Variants in SLC6A3 observed in about 807,000 individuals in gnomAD.
SLC6A3 encodes solute carrier family 6 member 3.
A neutral mutation model predicts 70.4 loss-of-function variants in SLC6A3; 19 were observed. The ratio of observed to expected loss-of-function variants is 0.27; its 90% confidence interval spans 0.19 to 0.40. SLC6A3 has a LOEUF of 0.40. SLC6A3 is among the 10% of genes least tolerant of loss of function. The pLI is 1.00. For missense variants in SLC6A3, 613 were observed against 838.5 expected, an observed-to-expected ratio of 0.73 and a Z score of 3.32; for synonymous variants, 368 against 356.6, an observed-to-expected ratio of 1.03 and a Z score of -0.36.
At chr5:1,416,619 A>T in intron 6 of SLC6A3, 1 of 336,806 alleles carries the variant, frequency 3.0e-6, no homozygotes, top group South Asian at 2.5e-5. Context: ...CCCTTAGAAC[A>T]GCACGGACTC....
chr5:1,403,374 T>C (rs1579701242), intron 12 of SLC6A3, among the ~76,000 whole-genome samples: 1 of 78,496 alleles, frequency 1.3e-5, no homozygotes, highest in East Asian at 5.0e-4. Context: ...CATCCTGTTC[T>C]GTCCCCTCCC....
intron 4 of SLC6A3, among the ~76,000 whole-genome samples, chr5:1,431,928 G>A (rs1168453236): frequency 2.6e-5 from 4 of 152,218 alleles, no homozygotes; most frequent in African/African-American, 4.8e-5. Flanking sequence ...AAAAGCGGAC[G>A]GCTGGGTCAC....
intron 6 of SLC6A3, among the ~76,000 whole-genome samples, chr5:1,416,908 C>G (rs1756310538): frequency 6.6e-6 from 1 of 152,154 alleles, no homozygotes; most frequent in Admixed American, 6.5e-5. Context: ...CAGATTCATC[C>G]ACATGCTGCA....
rs1310047234 is a variant in SLC6A3, at chr5:1,400,963, G to A, written c.1791C>T (p.Pro597=). The A allele has an allele frequency of 1.3e-6, 2 of 1,597,120 alleles. No individual in the cohort carries two copies. Among genetic ancestry groups the A allele is most frequent in the South Asian group, 1.1e-5 (1 of 88,656 alleles). The change falls in exon 14 of 15, where the codon CCC becomes CCT. Residue 597 remains proline, a synonymous_variant. Transcript: ENST00000270349. ...FREKLAYAIA[P]EKDRELVDRG... is the part of the protein sequence containing the mutation. Reference sequence around the variant, plus strand: ...TGTCCACCAGCTCACGGTCCTTCTCGGGTGCAATGGCGTAGGCCAGTTTCT... The same window carrying A: ...TGTCCACCAGCTCACGGTCCTTCTCAGGTGCAATGGCGTAGGCCAGTTTCT...
Position 1,408,926 on chromosome 5 carries a change from G to A in SLC6A3, c.1498+100C>T. 1.2e-6 allele frequency: 1 copy of A among 814,958 alleles called. No individual in the cohort carries two copies. Among genetic ancestry groups the A allele is most frequent in the Non-Finnish European group, 2.1e-6 (1 of 477,578 alleles). 50.5% of individuals were successfully genotyped at this position (814,958 alleles called of 1,614,324 possible). On this transcript the variant is annotated intron_variant, in intron 11 of 14. Coordinates refer to ENST00000270349, the MANE Select transcript of SLC6A3 (RefSeq NM_001044.5). This position sits in a 1 kb window ranked among gnomAD's most constrained non-coding sequence, Gnocchi z 6.4. ...GTGATGACCACAACCCAGGCTTCCTGCAGCTGAAAGGTGTTTCCTCACGGA... is the reference window on the plus strand; with the variant it reads ...GTGATGACCACAACCCAGGCTTCCTACAGCTGAAAGGTGTTTCCTCACGGA...
chr5:1,422,025 G>A lies in SLC6A3; in HGVS notation c.654-11C>T, dbSNP rs1756448782. On this transcript the variant is annotated splice_polypyrimidine_tract_variant and intron_variant, in intron 4 of 14. Transcript: ENST00000270349. Reference sequence around the variant, plus strand: ...TGCAGCACGCCACGTCTGCAGAGGGGAGTCAGCGGGGGACTCTGTGGGTGG... The same window carrying A: ...TGCAGCACGCCACGTCTGCAGAGGGAAGTCAGCGGGGGACTCTGTGGGTGG... The A allele has an allele frequency of 1.9e-6, 3 of 1,609,392 alleles. No homozygotes were observed. Among genetic ancestry groups the A allele is most frequent in the Non-Finnish European group, 8.5e-7 (1 of 1,179,606 alleles).
At chr5:1,410,035 C>T (rs139756242) in intron 9 of SLC6A3, among the ~76,000 whole-genome samples, 186 bp from the exon 10 acceptor site, 25 of 152,336 alleles carry the variant, frequency 1.6e-4, no homozygotes, top group African/African-American at 5.8e-4. Flanking sequence ...TCTATGGCGG[C>T]ACGACCGCAG....
In SLC6A3 at chr5:1,396,942, G is replaced by C. The variant is rs1755736025; in HGVS notation, c.1840-2184C>G. Among the ~76,000 whole-genome samples the C allele has an allele frequency of 6.6e-6, 1 of 152,186 alleles. No homozygotes were observed. Among genetic ancestry groups the C allele is most frequent in the African/African-American group, 2.4e-5 (1 of 41,444 alleles). On this transcript the variant is annotated intron_variant, in intron 14 of 14. Transcript: ENST00000270349. This position sits in a 1 kb window ranked among gnomAD's most constrained non-coding sequence, Gnocchi z 7.0. ...TAGACGCAGATACAGAATGGGTGAG[G>C]GGCAGGCAGTTTCCACAGTGCCTAG... is the stretch of plus-strand genomic sequence containing the variant.
At chr5:1,415,930 T>C (rs1477698595) in intron 7 of SLC6A3, among the ~76,000 whole-genome samples, 168 bp downstream of exon 7, 2 of 152,154 alleles carry the variant, frequency 1.3e-5, no homozygotes, top group African/African-American at 4.8e-5. Context: ...ATCAAAATCG[T>C]GTTGGGAGCT....
chr5:1,411,263 T>G lies in SLC6A3; in HGVS notation c.1249A>C (p.Thr417Pro). The change falls in exon 9 of 15, where the codon ACC (threonine) becomes CCC (proline). Residue 417 changes from threonine to proline, a missense_variant. Thr to Pro is a conservative substitution (Grantham distance 38). Around this residue, in one of 4 missense-constraint regions of SLC6A3, gnomAD observed 348 missense variants for 481.2 expected, o/e 0.72. Transcript: ENST00000270349. The surrounding 1 kb of genome is among the most constrained non-coding windows in gnomAD (Gnocchi z 6.5). ...CTCACGGCGCTGTCGATACCCAGGG[T>G]GAGCAGCATGATGAAGAAGACCACG... ...WAVVFFIMLL[T>P]LGIDSAMGGM... The G allele has an allele frequency of 6.4e-7, 1 of 1,551,832 alleles. No individual in the cohort carries two copies. The highest frequency in any genetic ancestry group is 8.7e-7 in the Non-Finnish European group (1 of 1,147,408).
intron 9 of SLC6A3, among the ~76,000 whole-genome samples, chr5:1,410,628 T>C (rs942814676): frequency 7.9e-5 from 12 of 152,050 alleles, no homozygotes; most frequent in African/African-American, 2.9e-4. Context: ...CTGGGATTGG[T>C]AGGTGCCAGG....
Position 1,445,439 on chromosome 5 carries a change from T to G in SLC6A3, c.-137A>C, listed in dbSNP as rs560084441. The G allele has an allele frequency of 5.8e-6, 1 of 173,552 alleles. No homozygotes were observed. Among genetic ancestry groups the G allele is most frequent in the Non-Finnish European group, 1.2e-5 (1 of 81,412 alleles). The allele number at this position is 173,552 out of a possible 1,614,324, so 10.8% of individuals were successfully genotyped here. The stretch of plus-strand genomic sequence containing the variant: ...TCCCGCTCCGCAGCGCTGGGCGGTC[T>G]CAGCCTCGGCCTCGGGCTCTTATCC... On this transcript the variant is annotated 5_prime_UTR_variant, in exon 1 of 15. Coordinates refer to ENST00000270349, the MANE Select transcript of SLC6A3 (RefSeq NM_001044.5).
At chr5:1,420,453 A>C in intron 6 of SLC6A3, 116 bp downstream of exon 6, 1 of 1,259,348 alleles carries the variant, frequency 7.9e-7, no homozygotes, top group Non-Finnish European at 1.2e-6. Flanking sequence ...TTCCCGAGGA[A>C]AGAACCCTGG....
At position 1,421,409 on chromosome 5, in the gene SLC6A3, T is replaced by C. The variant is rs1449154546; in HGVS notation, c.792+467A>G. 6.6e-6 allele frequency among the ~76,000 whole-genome samples: 1 copy of C among 152,134 alleles called. No individual in the cohort carries two copies. The highest frequency in any genetic ancestry group is 1.9e-4 in the East Asian group (1 of 5,188). ...CCAGGCTGTTCTTGAACCCCTGACC[T>C]CAGGTGATCTGCCCGTCTCAGCCTC... is the stretch of plus-strand genomic sequence containing the variant. On this transcript the variant is annotated intron_variant, in intron 5 of 14. Transcript: ENST00000270349. This position sits in a 1 kb window ranked among gnomAD's most constrained non-coding sequence, Gnocchi z 7.2.
In SLC6A3 at chr5:1,412,583, G is replaced by A. The variant is rs112962710; in HGVS notation, c.1157-1228C>T. Among the ~76,000 whole-genome samples, 126 of 152,318 alleles carry A rather than the reference G, an allele frequency of 8.3e-4. 2 individuals carry two copies. The East Asian group carries it at 0.012, about 14-fold the overall frequency. ...GGCAGGCAGGCGACCAAAAGTCAAC[G>A]CAGTTTGGTCTCTGATGACCCCAAA... is the stretch of plus-strand genomic sequence containing the variant. On this transcript the variant is annotated intron_variant, in intron 8 of 14. Transcript: ENST00000270349.
In SLC6A3 at chr5:1,420,995, G is replaced by T. The variant is rs1475732359; in HGVS notation, c.793-292C>A. On this transcript the variant is annotated intron_variant, in intron 5 of 14. Transcript: ENST00000270349. ...GAGTAGCTGGGAGTGGCTGATGGGG[G>T]TTTTCTGATGCGTGGGACGTGAGTG... Among the ~76,000 whole-genome samples, 15 of 152,306 alleles carry T rather than the reference G, an allele frequency of 9.8e-5. No individual in the cohort carries two copies. The East Asian group carries it at 2.9e-3, about 29-fold the overall frequency.
At chr5:1,419,469 C>T (rs1330146928) in intron 6 of SLC6A3, among the ~76,000 whole-genome samples, 1 of 152,234 alleles carries the variant, frequency 6.6e-6, no homozygotes, top group Non-Finnish European at 1.5e-5. Context: ...TTTGCCTCCT[C>T]CTGGGGCTGC....
At chr5:1,435,449 G>A (rs565289848) in intron 3 of SLC6A3, among the ~76,000 whole-genome samples, 13 of 152,352 alleles carry the variant, frequency 8.5e-5, no homozygotes, top group Non-Finnish European at 1.3e-4. Flanking sequence ...CGAAGGAAGG[G>A]CTGAGTGTAC....
intron 4 of SLC6A3, among the ~76,000 whole-genome samples, chr5:1,426,158 C>G (rs777118846): frequency 2.0e-5 from 3 of 152,124 alleles, no homozygotes; most frequent in Non-Finnish European, 4.4e-5. Context: ...GGTATCTACT[C>G]AAAAGTAGGT....
Sources: allele counts gnomAD v4.1 joint callset (sites outside exome capture counted in the v4.1 genomes callset), GRCh38; gene constraint gnomAD v4.1.1; regional missense constraint gnomAD v4.1.1; non-coding constraint Gnocchi (gnomAD v3.1); transcripts MANE v1.5; gene names NCBI Gene and HGNC (gene_info 2026-07-23, HGNC 2026-07-21).